The following ADGRL3 variants were observed in gnomAD, a reference collection of about 807,000 sequenced individuals.
ADGRL3 encodes calcium-independent alpha-latrotoxin receptor 3.
Under a neutral mutation model 153.5 loss-of-function variants are expected in ADGRL3, and 62 were observed. The ratio of observed to expected loss-of-function variants is 0.40; its 90% CI spans 0.33 to 0.50. ADGRL3 has a LOEUF of 0.50. Ranked by LOEUF, ADGRL3 falls within the 20% of genes least tolerant of loss-of-function variation. ADGRL3 has a pLI of 0.47. For synonymous variants in ADGRL3, 710 were observed against 672.5 expected (o/e 1.06, Z -0.86); for missense variants, 1,641 against 1,859.4 (o/e 0.88, Z 2.16).
intron 5 of ADGRL3, among the ~76,000 whole-genome samples, chr4:61,668,149 A>T (rs1334361732): frequency 6.6e-6 from 1 of 152,198 alleles, no homozygotes; most frequent in Non-Finnish European, 1.5e-5. Flanking sequence ...CCATAAATGT[A>T]ATCACATTGG....
intron 2 of ADGRL3, among the ~76,000 whole-genome samples, chr4:61,385,152 A>T (rs1434007685): frequency 2.0e-5 from 3 of 152,096 alleles, no homozygotes; most frequent in Admixed American, 6.6e-5. Flanking sequence ...TAAACTTCAT[A>T]TTTGGGACCT....
At chr4:61,561,369 T>C (rs1259897198) in intron 4 of ADGRL3, among the ~76,000 whole-genome samples, 3 of 152,200 alleles carry the variant, frequency 2.0e-5, no homozygotes, top group African/African-American at 7.2e-5. Context: ...TTTAATTGCT[T>C]CAAACTACAT....
chr4:61,781,250 G>A (rs1329370103), intron 8 of ADGRL3, among the ~76,000 whole-genome samples: 3 of 150,980 alleles, frequency 2.0e-5, no homozygotes, highest in Non-Finnish European at 4.4e-5. Context: ...CACTTGAACC[G>A]GGGAAGCAGA....
intron 21 of ADGRL3, among the ~76,000 whole-genome samples, chr4:62,004,945 C>T (rs1322178011): frequency 1.3e-5 from 2 of 151,948 alleles, no homozygotes; most frequent in Non-Finnish European, 2.9e-5. Context: ...CTAGAAATCA[C>T]CATAACAATA....
chr4:61,497,097 C>T, intron 2 of ADGRL3, 24 bp from the exon 3 acceptor site: 1 of 541,490 alleles, frequency 1.8e-6, no homozygotes, highest in Non-Finnish European at 3.2e-6. Context: ...TATACAATAA[C>T]CCTTTTTTTT....
chr4:61,438,730 C>G (rs1234084206), intron 2 of ADGRL3, among the ~76,000 whole-genome samples: 3 of 135,742 alleles, frequency 2.2e-5, no homozygotes, highest in African/African-American at 8.3e-5. Flanking sequence ...TTTTTTTAGA[C>G]GGAGTCTCGC....
intron 4 of ADGRL3, among the ~76,000 whole-genome samples, chr4:61,568,768 A>G (rs1334005313): frequency 2.0e-5 from 3 of 152,132 alleles, no homozygotes; most frequent in Non-Finnish European, 4.4e-5. Flanking sequence ...ATTTGCTTCT[A>G]TAAAGCATGA....
At chr4:61,296,938 C>T (rs1383428287) in intron 1 of ADGRL3, among the ~76,000 whole-genome samples, 1 of 152,068 alleles carries the variant, frequency 6.6e-6, no homozygotes, top group East Asian at 1.9e-4. Flanking sequence ...ATTTGACATA[C>T]ATCATATTGA....
intron 1 of ADGRL3, among the ~76,000 whole-genome samples, chr4:61,210,474 T>C (rs1394538169): frequency 6.6e-6 from 1 of 152,128 alleles, no homozygotes; most frequent in African/African-American, 2.4e-5. Flanking sequence ...AATACTAAAA[T>C]GCATTCCATT....
intron 9 of ADGRL3, among the ~76,000 whole-genome samples, chr4:61,814,712 T>C (rs944713816): frequency 6.6e-6 from 1 of 152,180 alleles, no homozygotes; most frequent in Non-Finnish European, 1.5e-5. Context: ...CTATTTCCTC[T>C]CCTGGGAGTC....
At chr4:61,543,587 A>G (rs555869721) in intron 4 of ADGRL3, among the ~76,000 whole-genome samples, 1 of 152,210 alleles carries the variant, frequency 6.6e-6, no homozygotes, top group Non-Finnish European at 1.5e-5. Flanking sequence ...ACTGCGCAAT[A>G]GAAAACTTAA....
At chr4:62,063,478 C>A in intron 25 of ADGRL3, 11 of 420,158 alleles carry the variant, frequency 2.6e-5, no homozygotes, top group Middle Eastern at 6.4e-4. Flanking sequence ...TTTTTTTTTT[C>A]TCTGTCTTTC....
intron 5 of ADGRL3, among the ~76,000 whole-genome samples, chr4:61,640,357 AT>A (rs1560979594): frequency 6.6e-6 from 1 of 152,158 alleles, no homozygotes; most frequent in African/African-American, 2.4e-5. Context: ...TCTGCCCTCT[AT>A]GGTGTTAAAT....
At chr4:61,880,400 C>A (rs1169864936) in intron 9 of ADGRL3, among the ~76,000 whole-genome samples, 7 of 152,074 alleles carry the variant, frequency 4.6e-5, no homozygotes, top group Admixed American at 4.6e-4. Flanking sequence ...AAATTTAAAA[C>A]TTGTATTAAG....
intron 1 of ADGRL3, among the ~76,000 whole-genome samples, chr4:61,347,938 A>G (rs1186599647): frequency 3.3e-5 from 5 of 152,108 alleles, no homozygotes. Flanking sequence ...CTCATTTCTT[A>G]AAACAGACTC....
At chr4:61,331,838 A>C (rs1474735575) in intron 1 of ADGRL3, among the ~76,000 whole-genome samples, 1 of 152,082 alleles carries the variant, frequency 6.6e-6, no homozygotes, top group Non-Finnish European at 1.5e-5. Context: ...AAATGCATGC[A>C]TTGTCATTTT....
At chr4:61,985,165 C>G (rs1329537165) in intron 19 of ADGRL3, among the ~76,000 whole-genome samples, 1 of 151,842 alleles carries the variant, frequency 6.6e-6, no homozygotes, top group African/African-American at 2.4e-5. Flanking sequence ...AAATAAAATA[C>G]TAGATAAATT....
At chr4:61,409,047 G>A (rs2097045406) in intron 2 of ADGRL3, among the ~76,000 whole-genome samples, 1 of 150,940 alleles carries the variant, frequency 6.6e-6, no homozygotes, top group African/African-American at 2.4e-5. Context: ...TACAATACTT[G>A]CATATTCTGC....
chr4:61,704,033 G>A (rs985505301), intron 6 of ADGRL3, among the ~76,000 whole-genome samples: 29 of 152,202 alleles, frequency 1.9e-4, no homozygotes, highest in African/African-American at 5.8e-4. Context: ...AAGACCTAAT[G>A]TGTAACCATC....
Sources: allele counts gnomAD v4.1 joint callset (sites outside exome capture counted in the v4.1 genomes callset), GRCh38; gene constraint gnomAD v4.1.1; transcripts MANE v1.5; gene names NCBI Gene and HGNC (gene_info 2026-07-23, HGNC 2026-07-21).